Variants in IQCJ observed in about 807,000 individuals in gnomAD.
IQCJ encodes the protein IQ motif containing J, also known as IQ domain-containing protein J.
A neutral mutation model predicts 11.0 loss-of-function variants in IQCJ; 9 were observed. The ratio of observed to expected loss-of-function variants is 0.82; its 90% CI spans 0.49 to 1.43. IQCJ has a LOEUF of 1.43. Among genes scored for constraint, IQCJ ranks in the 40% most tolerant of loss-of-function variants. IQCJ has a pLI of 0.00. For synonymous variants in IQCJ, 55 were observed against 51.3 expected, an observed-to-expected ratio of 1.07 and a Z score of -0.31; for missense variants, 146 against 133.2, an observed-to-expected ratio of 1.10 and a Z score of -0.47.
chr3:159,107,854 G>A (rs1718361090), intron 1 of IQCJ, among the ~76,000 whole-genome samples: 2 of 151,958 alleles, frequency 1.3e-5, no homozygotes, highest in South Asian at 2.1e-4. Flanking sequence ...TTCGTTCACT[G>A]GATGTCCTGG....
intron 1 of IQCJ, among the ~76,000 whole-genome samples, chr3:159,163,915 G>A (rs967147099): frequency 2.0e-5 from 3 of 152,160 alleles, no homozygotes; most frequent in Non-Finnish European, 4.4e-5. Flanking sequence ...GTACCAGGCA[G>A]AGAGCATTCT....
At position 159,255,544 on chromosome 3, in the gene IQCJ, G is replaced by A. The variant is rs547876908; in HGVS notation, c.155+2737G>A. 1.1e-4 allele frequency among the ~76,000 whole-genome samples: 17 copies of A among 152,320 alleles called. No homozygotes were observed. The South Asian group carries it at 2.1e-3, about 19-fold the overall frequency. On this transcript the variant is annotated intron_variant, in intron 3 of 3. Transcript: ENST00000397832. The stretch of plus-strand genomic sequence containing the variant: ...AATTTATAAGAAAGTGTAAACCTGC[G>A]TGTGGCAATGCAAAGTATCAGTGGC...
At chr3:159,251,225 A>G (rs1727579776) in intron 2 of IQCJ, among the ~76,000 whole-genome samples, 1 of 152,206 alleles carries the variant, frequency 6.6e-6, no homozygotes, top group Non-Finnish European at 1.5e-5. Context: ...AGAAAAAAAT[A>G]CATTTGTGAT....
intron 1 of IQCJ, among the ~76,000 whole-genome samples, chr3:159,166,100 C>T (rs576229109): frequency 6.6e-6 from 1 of 151,826 alleles, no homozygotes; most frequent in African/African-American, 2.4e-5. Context: ...CTAACAGATT[C>T]ATGCAATGCA....
chr3:159,156,964 G>A (rs1721559402), intron 1 of IQCJ, among the ~76,000 whole-genome samples: 2 of 152,130 alleles, frequency 1.3e-5, no homozygotes, highest in South Asian at 2.1e-4. Context: ...CCTACACCTG[G>A]CTGTTTTTAC....
chr3:159,194,634 TG>T lies in IQCJ; in HGVS notation c.10-51208del, dbSNP rs1408756657. ...TCTGGGTTCACTGAACATAGTTGAC[TG>T]ATGGGTTTTCTAGCCTTGCATAGTA... On this transcript the variant is annotated intron_variant, in intron 1 of 3. Transcript: ENST00000397832. Among the ~76,000 whole-genome samples, 5 of 152,332 alleles carry T rather than the reference TG, an allele frequency of 3.3e-5. No homozygotes were observed. The East Asian group carries it at 9.6e-4, about 29-fold the overall frequency.
intron 1 of IQCJ, among the ~76,000 whole-genome samples, chr3:159,093,829 A>G (rs1392459701): frequency 1.3e-5 from 2 of 151,818 alleles, no homozygotes; most frequent in South Asian, 2.1e-4. Context: ...TTATAAAACC[A>G]TCAGATCTCC....
chr3:159,091,966 A>T (rs1031984337), intron 1 of IQCJ, among the ~76,000 whole-genome samples: 1 of 151,858 alleles, frequency 6.6e-6, no homozygotes, highest in Non-Finnish European at 1.5e-5. Flanking sequence ...AAATTAAGCA[A>T]AGAGTGTCAA....
chr3:159,190,478 C>G (rs185257532), intron 1 of IQCJ, among the ~76,000 whole-genome samples: 1 of 152,250 alleles, frequency 6.6e-6, no homozygotes, highest in East Asian at 1.9e-4. Flanking sequence ...TAAGGTGAAG[C>G]TGAGGAGAGG....
chr3:159,265,442 G>A, downstream of IQCJ: 1 of 1,489,624 alleles, frequency 6.7e-7, no homozygotes, highest in East Asian at 2.3e-5. Flanking sequence ...GATGATCCCT[G>A]GCCTACACTG....
intron 1 of IQCJ, among the ~76,000 whole-genome samples, chr3:159,238,614 T>A (rs1449023): frequency 6.6e-6 from 1 of 152,176 alleles, no homozygotes; most frequent in Non-Finnish European, 1.5e-5. Context: ...AGAGTAAATA[T>A]TAAAAATAAG....
intron 1 of IQCJ, among the ~76,000 whole-genome samples, chr3:159,092,438 G>A (rs1046752408): frequency 2.0e-5 from 3 of 151,776 alleles, no homozygotes; most frequent in African/African-American, 7.3e-5. Flanking sequence ...TGTGGCTCAC[G>A]CCAGTAATCC....
intron 1 of IQCJ, among the ~76,000 whole-genome samples, chr3:159,107,553 A>G (rs1718341273): frequency 6.6e-6 from 1 of 152,212 alleles, no homozygotes; most frequent in African/African-American, 2.4e-5. Flanking sequence ...AATCTACCAG[A>G]TAATGAAGCT....
At chr3:159,151,713 G>A (rs917296283) in intron 1 of IQCJ, among the ~76,000 whole-genome samples, 2 of 152,218 alleles carry the variant, frequency 1.3e-5, no homozygotes, top group Non-Finnish European at 2.9e-5. Context: ...TTGGTTCACT[G>A]CAAGCTCCAC....
chr3:159,201,536 TG>T (rs1293775816), intron 1 of IQCJ, among the ~76,000 whole-genome samples: 9 of 151,494 alleles, frequency 5.9e-5, no homozygotes, highest in Middle Eastern at 6.8e-3. Context: ...TGTGTGTGTG[TG>T]TAAAAACCAT....
intron 1 of IQCJ, among the ~76,000 whole-genome samples, chr3:159,121,393 C>A (rs1269509852): frequency 6.6e-6 from 1 of 152,118 alleles, no homozygotes; most frequent in Non-Finnish European, 1.5e-5. Context: ...CTCAGCCTCC[C>A]AAAGTGTTAG....
intron 1 of IQCJ, among the ~76,000 whole-genome samples, chr3:159,089,688 A>T (rs1190601104): frequency 6.6e-6 from 1 of 151,484 alleles, no homozygotes; most frequent in Admixed American, 6.6e-5. Context: ...CATTGCTGAT[A>T]CCCTTTCTTC....
chr3:159,204,959 A>T (rs1177541615), intron 1 of IQCJ, among the ~76,000 whole-genome samples: 1 of 152,196 alleles, frequency 6.6e-6, no homozygotes, highest in Non-Finnish European at 1.5e-5. Context: ...ATTGCACATC[A>T]TGAGGTGGCA....
rs765174941 is a variant in IQCJ at position 159,069,439 on chromosome 3, CT to C, written c.8del (p.Leu3ArgfsTer4). The C allele has an allele frequency of 6.2e-7, 1 of 1,609,022 alleles. No homozygotes were observed. Among genetic ancestry groups the C allele is most frequent in the Admixed American group, 1.7e-5 (1 of 59,088 alleles). ...GTGTTCCAGAAACTTCAAAATGCGT[CT>C]GGTAATGTATTTGCTTTTCTAAACG... is the stretch of plus-strand genomic sequence containing the variant. MR[L>X]EELKRLQNPL... On this transcript the variant is annotated frameshift_variant and splice_region_variant, in exon 1 of 4. Coordinates refer to ENST00000397832, the MANE Select transcript of IQCJ (RefSeq NM_001042706.3). LOFTEE classifies it high-confidence loss of function.
Sources: gnomAD v4.1 joint callset for allele counts (sites outside exome capture counted in the v4.1 genomes callset) on GRCh38, gnomAD v4.1.1 for gene constraint, MANE v1.5 for transcripts, NCBI Gene and HGNC (gene_info 2026-07-23, HGNC 2026-07-21) for gene names.